The following ITPR2 variants were observed in gnomAD, a reference collection of about 807,000 sequenced individuals.
ITPR2 encodes inositol 1,4,5-trisphosphate-gated calcium channel ITPR2.
Under a neutral mutation model 317.1 loss-of-function variants are expected in ITPR2, and 207 were observed. That is an observed-to-expected ratio of 0.65 (90% CI 0.58 to 0.73). ITPR2 has a LOEUF of 0.73. ITPR2 is among the 30% of genes least tolerant of loss of function. ITPR2 has a pLI of 0.00. For missense variants in ITPR2, 2,613 were observed against 3,284.0 expected, an observed-to-expected ratio of 0.80 and a Z score of 4.99; for synonymous variants, 1,156 against 1,149.1, an observed-to-expected ratio of 1.01 and a Z score of -0.12.
intron 55 of ITPR2, among the ~76,000 whole-genome samples, chr12:26,367,481 G>GA (rs10572447): frequency 2.0e-5 from 3 of 151,638 alleles, no homozygotes; most frequent in Non-Finnish European, 4.4e-5. Context: ...AATCACTGAG[G>GA]AAAAAAAAAC....
chr12:26,558,717 C>T (rs113972677), intron 35 of ITPR2, among the ~76,000 whole-genome samples: 1 of 152,276 alleles, frequency 6.6e-6, no homozygotes, highest in African/African-American at 2.4e-5. Flanking sequence ...AAATCTCATC[C>T]AATTCTATGG....
intron 37 of ITPR2, among the ~76,000 whole-genome samples, chr12:26,519,880 G>A (rs1943618743): frequency 6.6e-6 from 1 of 152,194 alleles, no homozygotes; most frequent in South Asian, 2.1e-4. Flanking sequence ...AAAGAGAAAG[G>A]TGTGAAATAG....
At chr12:26,674,488 G>T (rs1168667612) in intron 13 of ITPR2, among the ~76,000 whole-genome samples, 1 of 152,150 alleles carries the variant, frequency 6.6e-6, no homozygotes, top group Non-Finnish European at 1.5e-5. Flanking sequence ...AAACTGGCTA[G>T]CCATATGTAG....
At chr12:26,647,316 A>G (rs1947135554) in intron 21 of ITPR2, among the ~76,000 whole-genome samples, 1 of 152,252 alleles carries the variant, frequency 6.6e-6, no homozygotes, top group Non-Finnish European at 1.5e-5. Context: ...AGAGTTATAC[A>G]CATATCATGC....
At chr12:26,799,961 T>A (rs1950525980) in intron 1 of ITPR2, among the ~76,000 whole-genome samples, 1 of 152,176 alleles carries the variant, frequency 6.6e-6, no homozygotes, top group East Asian at 1.9e-4. Flanking sequence ...ACTAGACAAG[T>A]TCAGGTCCAG....
intron 45 of ITPR2, among the ~76,000 whole-genome samples, chr12:26,444,344 T>C (rs1259519426): frequency 6.6e-6 from 1 of 152,268 alleles, no homozygotes; most frequent in African/African-American, 2.4e-5. Flanking sequence ...GTCTCTTTTA[T>C]GGTTGTCTCG....
intron 26 of ITPR2, among the ~76,000 whole-genome samples, chr12:26,607,481 T>C (rs1322432284): frequency 2.6e-5 from 4 of 152,160 alleles, no homozygotes; most frequent in African/African-American, 9.7e-5. Flanking sequence ...GATAACATCA[T>C]GTACTAGTCA....
At chr12:26,373,612 C>CA (rs1192152553) in intron 55 of ITPR2, 1 of 152,090 alleles carries the variant, frequency 6.6e-6, no homozygotes, top group Non-Finnish European at 1.5e-5. Flanking sequence ...AGTAGAACCC[C>CA]AATTCAGAAG....
At chr12:26,782,062 AGAGAGAGAGAG>A (rs1357958332) in intron 2 of ITPR2, among the ~76,000 whole-genome samples, 1 of 137,536 alleles carries the variant, frequency 7.3e-6, no homozygotes, top group African/African-American at 2.9e-5. Context: ...AGAGAGAGAG[AGAGAGAGAGAG>A]CGAGAGAGAT....
At chr12:26,491,453 AG>A (rs1942800534) in intron 39 of ITPR2, among the ~76,000 whole-genome samples, 1 of 130,198 alleles carries the variant, frequency 7.7e-6, no homozygotes, top group South Asian at 2.7e-4. Context: ...ACTGCACTCC[AG>A]CCTGGGCCAC....
chr12:26,793,077 T>C (rs1002603362), intron 1 of ITPR2, among the ~76,000 whole-genome samples: 9 of 152,214 alleles, frequency 5.9e-5, no homozygotes, highest in Non-Finnish European at 4.4e-5. Context: ...ATTGGGTTTA[T>C]AGTAAACAAT....
At chr12:26,614,343 A>G (rs527931404) in intron 26 of ITPR2, among the ~76,000 whole-genome samples, 15 of 152,014 alleles carry the variant, frequency 9.9e-5, no homozygotes, top group Non-Finnish European at 8.8e-5. Flanking sequence ...TTGGGGAGCT[A>G]AACCCAAAAC....
chr12:26,691,194 A>G (rs948304138), intron 10 of ITPR2, among the ~76,000 whole-genome samples: 2 of 152,228 alleles, frequency 1.3e-5, no homozygotes, highest in Admixed American at 6.5e-5. Context: ...TGTGATAAGT[A>G]TACAATTTTT....
At chr12:26,650,253 GAAAAAGA>G (rs1947216255) in intron 21 of ITPR2, among the ~76,000 whole-genome samples, 1 of 152,200 alleles carries the variant, frequency 6.6e-6, no homozygotes, top group African/African-American at 2.4e-5. Context: ...TATGGAAAGA[GAAAAAGA>G]TCAGCAGTTG....
At chr12:26,824,807 AT>A (rs1265696103) in intron 1 of ITPR2, among the ~76,000 whole-genome samples, 1 of 152,192 alleles carries the variant, frequency 6.6e-6, no homozygotes, top group Non-Finnish European at 1.5e-5. Context: ...TGTTTTGAAT[AT>A]TTTTTATTAA....
intron 5 of ITPR2, among the ~76,000 whole-genome samples, chr12:26,721,091 C>T (rs191622183): frequency 1.3e-5 from 2 of 152,188 alleles, no homozygotes; most frequent in East Asian, 3.9e-4. Flanking sequence ...TCATAAACTA[C>T]ATAATCAGTC....
intron 32 of ITPR2, among the ~76,000 whole-genome samples, chr12:26,582,908 G>A (rs1042778741): frequency 4.6e-5 from 7 of 152,152 alleles, no homozygotes; most frequent in African/African-American, 1.7e-4. Context: ...GGAAGAGAAA[G>A]AAGTCAGGCA....
rs1244051621 is a variant in ITPR2, at chr12:26,436,050, A to T, written c.6769+171T>A. Among the ~76,000 whole-genome samples, 5 of 152,348 alleles carry T rather than the reference A, an allele frequency of 3.3e-5. No homozygotes were observed. The East Asian group carries it at 9.6e-4, about 29-fold the overall frequency. On this transcript the variant is annotated intron_variant, in intron 48 of 56. Transcript: ENST00000381340. ...GTGTATATGAGCTTTTTAAAAAATA[A>T]CAGTTCTGTTGACCACACTTTTCTG...
chr12:26,425,736 T>C (rs1941040357), intron 49 of ITPR2, among the ~76,000 whole-genome samples: 1 of 151,864 alleles, frequency 6.6e-6, no homozygotes, highest in East Asian at 1.9e-4. Context: ...CAAACAGATG[T>C]TCTATGCTGT....
Sources: allele counts gnomAD v4.1 joint callset (sites outside exome capture counted in the v4.1 genomes callset), GRCh38; gene constraint gnomAD v4.1.1; transcripts MANE v1.5; gene names NCBI Gene and HGNC (gene_info 2026-07-23, HGNC 2026-07-21).